The following RIMS1 variants were observed in gnomAD, a reference collection of about 807,000 sequenced individuals.
RIMS1 encodes regulating synaptic membrane exocytosis 1.
Under a neutral mutation model 214.1 loss-of-function variants are expected in RIMS1, and 83 were observed. That is an observed-to-expected ratio of 0.39 (90% CI 0.32 to 0.47). RIMS1 has a LOEUF of 0.47. RIMS1 is among the 20% of genes least tolerant of loss of function. The probability of loss-of-function intolerance (pLI) is 0.99; values close to 1 mark genes in which losing one functional copy is unlikely to be tolerated. For synonymous variants in RIMS1, 793 were observed against 786.8 expected, an observed-to-expected ratio of 1.01 and a Z score of -0.13; for missense variants, 2,050 against 2,161.8, an observed-to-expected ratio of 0.95 and a Z score of 1.03.
chr6:72,001,912 G>A (rs984424169), intron 2 of RIMS1, among the ~76,000 whole-genome samples: 4 of 152,062 alleles, frequency 2.6e-5, no homozygotes, highest in African/African-American at 9.7e-5. Flanking sequence ...GAATTATGAG[G>A]ATGAGGATAT....
At chr6:71,932,783 T>G (rs570863842) in intron 1 of RIMS1, among the ~76,000 whole-genome samples, 3 of 152,162 alleles carry the variant, frequency 2.0e-5, no homozygotes, top group African/African-American at 7.2e-5. Flanking sequence ...CATGGTAAAA[T>G]TTTGTGGAGT....
At chr6:72,019,545 A>G (rs1256339433) in intron 2 of RIMS1, among the ~76,000 whole-genome samples, 1 of 152,222 alleles carries the variant, frequency 6.6e-6, no homozygotes, top group African/African-American at 2.4e-5. Context: ...GGAATTTGTG[A>G]TAGAGATAAT....
rs1364185430 is a variant in RIMS1, at chr6:72,260,750, A to G, written c.3099A>G (p.Glu1033=). Residue 1033 remains glutamate, a synonymous_variant, in exon 19 of 34, where the codon GAA becomes GAG. Coordinates refer to ENST00000521978, the MANE Select transcript of RIMS1 (RefSeq NM_014989.7). ...LPRAKRGRSA[E]CLHTTRHLVR... is the part of the protein sequence containing the mutation. ...GAGCAAAACGAGGACGAAGTGCAGA[A>G]TGCCTACATACTACCAGGTAAATAC... The G allele has an allele frequency of 6.2e-7, 1 of 1,612,326 alleles. No individual in the cohort carries two copies. Among genetic ancestry groups the G allele is most frequent in the African/African-American group, 1.3e-5 (1 of 74,842 alleles).
At chr6:72,356,355 G>A (rs989381998) in intron 29 of RIMS1, among the ~76,000 whole-genome samples, 7 of 151,878 alleles carry the variant, frequency 4.6e-5, no homozygotes, top group Non-Finnish European at 1.0e-4. Flanking sequence ...TCCACTGAAA[G>A]GCCTCTAATG....
At position 71,980,965 on chromosome 6, in the gene RIMS1, A is replaced by G. The variant is rs114170449; in HGVS notation, c.245+11902A>G. 9.4e-3 allele frequency among the ~76,000 whole-genome samples: 1,427 copies of G among 152,256 alleles called. 32 individuals are homozygous for G. Among genetic ancestry groups the G allele is most frequent in the African/African-American group, 0.032 (1,350 of 41,564 alleles). ...AGTACTTCTAGGGAATTACATTCCT[A>G]AAGTATGCATTTCTTTTCTGATTCC... is the stretch of plus-strand genomic sequence containing the variant. On this transcript the variant is annotated intron_variant, in intron 2 of 33. Coordinates refer to ENST00000521978, the MANE Select transcript of RIMS1 (RefSeq NM_014989.7).
intron 6 of RIMS1, among the ~76,000 whole-genome samples, chr6:72,192,641 G>A (rs548852717): frequency 6.2e-4 from 95 of 152,238 alleles, no homozygotes; most frequent in African/African-American, 2.1e-3. Flanking sequence ...AGAGCTCTAC[G>A]TGAGTCAGGC....
intron 29 of RIMS1, among the ~76,000 whole-genome samples, chr6:72,358,897 T>C (rs2097731610): frequency 6.6e-6 from 1 of 152,188 alleles, no homozygotes; most frequent in Non-Finnish European, 1.5e-5. Context: ...GATAATACAC[T>C]GACTGCCCTC....
At position 72,241,443 on chromosome 6, in the gene RIMS1, A is replaced by G. The variant is rs566116527; in HGVS notation, c.1958-871A>G. On this transcript the variant is annotated intron_variant, in intron 9 of 33. Coordinates refer to ENST00000521978, the MANE Select transcript of RIMS1 (RefSeq NM_014989.7). Reference sequence around the variant, plus strand: ...CCTACAACTTCTTAAATATTTATGAAAATAAATACTTTTTTTCACGTGACC... The same window carrying G: ...CCTACAACTTCTTAAATATTTATGAGAATAAATACTTTTTTTCACGTGACC... Among the ~76,000 whole-genome samples, 8 of 152,286 alleles carry G rather than the reference A, an allele frequency of 5.3e-5. No individual in the cohort carries two copies. The South Asian group carries it at 1.2e-3, about 24-fold the overall frequency.
At position 72,312,551 on chromosome 6, in the gene RIMS1, T is replaced by G. The variant is rs116831816; in HGVS notation, c.3964-955T>G. On this transcript the variant is annotated intron_variant, in intron 27 of 33. Transcript: ENST00000521978. ...ATATTTTAATCTTTTATTTGATGAT[T>G]CCTAAAATTTTAGGAAATGAATATC... 5.0e-3 allele frequency among the ~76,000 whole-genome samples: 768 copies of G among 152,236 alleles called. 4 individuals are homozygous for G. Among genetic ancestry groups the G allele is most frequent in the African/African-American group, 0.018 (732 of 41,558 alleles).
chr6:72,145,002 A>G (rs2042554022), intron 4 of RIMS1, among the ~76,000 whole-genome samples: 2 of 151,754 alleles, frequency 1.3e-5, no homozygotes, highest in Admixed American at 6.6e-5. Flanking sequence ...CTCCTGCCTC[A>G]GCCTCCTGAG....
rs1235664910 is a variant in RIMS1, at chr6:72,258,108, G to T, written c.2771-17G>T. The T allele has an allele frequency of 6.2e-7, 1 of 1,607,942 alleles. No homozygotes were observed. Among genetic ancestry groups the T allele is most frequent in the Non-Finnish European group, 8.5e-7 (1 of 1,176,692 alleles). ...GAAGAATACTGACTAAATTTTTTCT[G>T]TGTGTACTTTTGCCAGTAGGCTATA... On this transcript the variant is annotated splice_polypyrimidine_tract_variant and intron_variant, in intron 16 of 33. Transcript: ENST00000521978.
chr6:72,206,170 T>G (rs953940236), intron 6 of RIMS1, among the ~76,000 whole-genome samples: 2 of 152,194 alleles, frequency 1.3e-5, no homozygotes, highest in Admixed American at 6.5e-5. Flanking sequence ...TTTCATGCAT[T>G]CTTAAAGACC....
chr6:72,260,656 A>G, intron 18 of RIMS1, 49 bp from the exon 19 acceptor site: 1 of 1,603,632 alleles, frequency 6.2e-7, no homozygotes, highest in Non-Finnish European at 8.5e-7. Flanking sequence ...GGCATAACCC[A>G]TGTCTCATAA....
At chr6:72,242,474 A>G (rs1171800448) in intron 10 of RIMS1, 37 bp downstream of exon 10, 1 of 1,428,036 alleles carries the variant, frequency 7.0e-7, no homozygotes, top group South Asian at 1.3e-5. Context: ...AGTTTAGTAA[A>G]TTACATGTAT....
chr6:71,918,923 G>C (rs1779203877), intron 1 of RIMS1, among the ~76,000 whole-genome samples: 1 of 152,098 alleles, frequency 6.6e-6, no homozygotes, highest in South Asian at 2.1e-4. Context: ...GCAAGAAAGA[G>C]AGAAGGCTGT....
rs116757746 is a variant in RIMS1 at position 72,172,785 on chromosome 6, C to T, written c.472-6790C>T. ...GTTTCATTTGTTTTGTGTTCAAAAT[C>T]GCACTATGCATTTGATCAATTTGCC... is the stretch of plus-strand genomic sequence containing the variant. On this transcript the variant is annotated intron_variant, in intron 4 of 33. Transcript: ENST00000521978. Among the ~76,000 whole-genome samples, 948 of 152,214 alleles carry T rather than the reference C, an allele frequency of 6.2e-3. 8 individuals carry two copies. The highest frequency in any genetic ancestry group is 0.022 in the African/African-American group (901 of 41,552).
chr6:72,067,272 C>T lies in RIMS1; in HGVS notation c.246-29677C>T, dbSNP rs140959958. Among the ~76,000 whole-genome samples the T allele has an allele frequency of 6.1e-4, 93 of 152,256 alleles. No individual in the cohort carries two copies. The East Asian group carries it at 0.014, about 24-fold the overall frequency. ...AATATGACCCTACAGCATCTGCCAC[C>T]GGCCATGTATTCAGTTTCTCCTGAA... On this transcript the variant is annotated intron_variant, in intron 2 of 33. Coordinates refer to ENST00000521978, the MANE Select transcript of RIMS1 (RefSeq NM_014989.7).
intron 24 of RIMS1, among the ~76,000 whole-genome samples, chr6:72,287,955 A>G (rs917249152): frequency 2.0e-5 from 3 of 152,234 alleles, no homozygotes; most frequent in Admixed American, 6.5e-5. Flanking sequence ...ACCATTGTCC[A>G]TATATTTTGA....
At chr6:72,018,941 T>A (rs979339621) in intron 2 of RIMS1, among the ~76,000 whole-genome samples, 1 of 152,182 alleles carries the variant, frequency 6.6e-6, no homozygotes, top group Non-Finnish European at 1.5e-5. Flanking sequence ...GAATGCACAA[T>A]CATAGCCATT....
Sources: allele counts gnomAD v4.1 joint callset (sites outside exome capture counted in the v4.1 genomes callset), GRCh38; gene constraint gnomAD v4.1.1; transcripts MANE v1.5; gene names NCBI Gene and HGNC (gene_info 2026-07-23, HGNC 2026-07-21).